SOS2: variants seen among roughly 807,000 people sequenced by gnomAD.
SOS2 encodes SOS Ras/Rho guanine nucleotide exchange factor 2.
In SOS2, 65 loss-of-function variants were observed where a neutral mutation model predicts 148.2. The ratio of observed to expected loss-of-function variants is 0.44; its 90% CI spans 0.36 to 0.54. The LOEUF (loss-of-function observed/expected upper bound fraction) is 0.54, where lower values mean the gene tolerates loss of function less well. Ranked by LOEUF, SOS2 falls within the 20% of genes least tolerant of loss-of-function variation. SOS2 has a pLI of 0.00. For synonymous variants in SOS2, 539 were observed against 537.1 expected, an observed-to-expected ratio of 1.00 and a Z score of -0.05; for missense variants, 1,341 against 1,590.2, an observed-to-expected ratio of 0.84 and a Z score of 2.67.
intron 8 of SOS2, among the ~76,000 whole-genome samples, chr14:50,167,067 A>C (rs1195091023): frequency 1.3e-5 from 2 of 152,094 alleles, no homozygotes; most frequent in East Asian, 1.9e-4. Flanking sequence ...TAAAAACCCC[A>C]AAACAAACAA....
intron 1 of SOS2, among the ~76,000 whole-genome samples, chr14:50,207,983 C>A (rs1439857140): frequency 6.6e-6 from 1 of 151,594 alleles, no homozygotes; most frequent in Non-Finnish European, 1.5e-5. Context: ...GAAAAATATT[C>A]AACATTCATT....
chr14:50,167,795 A>AGGAGGTGGGGGTTGTAGT (rs1885212789), intron 8 of SOS2, among the ~76,000 whole-genome samples: 1 of 104,540 alleles, frequency 9.6e-6, no homozygotes, highest in Admixed American at 1.1e-4. Context: ...GCTTGAACCC[A>AGGAGGTGGGGGTTGTAGT]GGAGGTGGGG....
chr14:50,147,256 T>C (rs1006861512), intron 14 of SOS2, among the ~76,000 whole-genome samples: 4 of 151,772 alleles, frequency 2.6e-5, no homozygotes, highest in African/African-American at 9.7e-5. Context: ...ACACCTGTAA[T>C]CCTGGCGTTT....
intron 8 of SOS2, among the ~76,000 whole-genome samples, chr14:50,169,657 C>T (rs1046338236): frequency 6.6e-6 from 1 of 151,874 alleles, no homozygotes; most frequent in Admixed American, 6.6e-5. Flanking sequence ...AAACAAAGTA[C>T]ATTGTTGGTT....
At chr14:50,170,251 A>G (rs1053542416) in intron 8 of SOS2, among the ~76,000 whole-genome samples, 1 of 152,084 alleles carries the variant, frequency 6.6e-6, no homozygotes, top group African/African-American at 2.4e-5. Context: ...TAAATTTTAG[A>G]TAAATTTCTA....
chr14:50,146,363 G>C (rs1430918155), intron 14 of SOS2, among the ~76,000 whole-genome samples: 2 of 152,064 alleles, frequency 1.3e-5, no homozygotes, highest in Non-Finnish European at 2.9e-5. Flanking sequence ...ATTTATAAGA[G>C]CCAGGTGCAG....
intron 21 of SOS2, among the ~76,000 whole-genome samples, chr14:50,127,615 A>G (rs1442273347): frequency 6.6e-6 from 1 of 152,182 alleles, no homozygotes; most frequent in Non-Finnish European, 1.5e-5. Context: ...TGCTCTGGCT[A>G]TTGTGAGGAA....
intron 4 of SOS2, among the ~76,000 whole-genome samples, chr14:50,189,101 ACG>A (rs1491154972): frequency 2.2e-4 from 32 of 144,862 alleles, no homozygotes; most frequent in Non-Finnish European, 2.7e-4. Flanking sequence ...ACACACACAC[ACG>A]CACACACAAA....
chr14:50,141,274 C>CT (rs1357306342), intron 16 of SOS2, among the ~76,000 whole-genome samples: 1 of 144,380 alleles, frequency 6.9e-6, no homozygotes, highest in African/African-American at 2.6e-5. Flanking sequence ...AATCCCAGCA[C>CT]TTTGAGATGT....
intron 1 of SOS2, among the ~76,000 whole-genome samples, chr14:50,218,207 T>TAAAAAAAA (rs1887092176): frequency 1.0e-5 from 1 of 96,362 alleles, no homozygotes; most frequent in Admixed American, 1.4e-4. Context: ...ATAATGAAAC[T>TAAAAAAAA]TCGATAAAAG....
intron 4 of SOS2, among the ~76,000 whole-genome samples, chr14:50,191,273 T>C (rs568158815): frequency 1.3e-5 from 2 of 152,216 alleles, no homozygotes; most frequent in African/African-American, 4.8e-5. Context: ...AAGACCAGCC[T>C]GGGCAATATA....
chr14:50,120,199 A>G, intron 22 of SOS2, 76 bp downstream of exon 22: 1 of 682,782 alleles, frequency 1.5e-6, no homozygotes, highest in Non-Finnish European at 2.6e-6. Context: ...TATAATTCAC[A>G]GACTCTTTAT....
At chr14:50,141,472 G>A (rs1884282516) in intron 16 of SOS2, among the ~76,000 whole-genome samples, 1 of 151,940 alleles carries the variant, frequency 6.6e-6, no homozygotes, top group African/African-American at 2.4e-5. Flanking sequence ...AGTAAGCTAT[G>A]ATCATGCCAC....
intron 4 of SOS2, among the ~76,000 whole-genome samples, chr14:50,194,044 C>G (rs1335347264): frequency 6.6e-6 from 1 of 152,146 alleles, no homozygotes; most frequent in East Asian, 1.9e-4. Context: ...CACGCCCGGC[C>G]AAGTCATCTG....
At chr14:50,217,956 AAAAAAC>A (rs1223233861) in intron 1 of SOS2, among the ~76,000 whole-genome samples, 1 of 151,276 alleles carries the variant, frequency 6.6e-6, no homozygotes, top group Non-Finnish European at 1.5e-5. Context: ...CTCTGTCTCA[AAAAAAC>A]AAAAACAAAA....
intron 12 of SOS2, 46 bp downstream of exon 12, chr14:50,156,953 A>G (rs1453369586): frequency 1.1e-6 from 1 of 930,988 alleles, no homozygotes; most frequent in South Asian, 1.6e-5. Context: ...GTGTGTGTGT[A>G]TATATATGTG....
At chr14:50,169,272 C>A (rs565729465) in intron 8 of SOS2, among the ~76,000 whole-genome samples, 1 of 151,832 alleles carries the variant, frequency 6.6e-6, no homozygotes, top group South Asian at 2.1e-4. Context: ...GCCGAGCCTG[C>A]ACCATTGCAC....
intron 1 of SOS2, among the ~76,000 whole-genome samples, chr14:50,211,657 T>C (rs749872555): frequency 6.6e-6 from 1 of 151,946 alleles, no homozygotes; most frequent in Non-Finnish European, 1.5e-5. Context: ...AGGTTCTCGC[T>C]GTGTTGCCCA....
At chr14:50,201,357 C>T (rs1196086606) in intron 2 of SOS2, among the ~76,000 whole-genome samples, 1 of 151,534 alleles carries the variant, frequency 6.6e-6, no homozygotes, top group African/African-American at 2.4e-5. Flanking sequence ...ACGGTGAAAC[C>T]CCATCTCTAT....
Sources: gnomAD v4.1 joint callset for allele counts (sites outside exome capture counted in the v4.1 genomes callset) on GRCh38, gnomAD v4.1.1 for gene constraint, MANE v1.5 for transcripts, NCBI Gene and HGNC (gene_info 2026-07-23, HGNC 2026-07-21) for gene names.